The following RBBP9 variants were observed in gnomAD, a reference collection of about 807,000 sequenced individuals.
RBBP9 encodes serine hydrolase RBBP9.
In RBBP9, 20 loss-of-function variants were observed where a neutral mutation model predicts 24.2. The ratio of observed to expected loss-of-function variants is 0.83; its 90% CI spans 0.58 to 1.20. The LOEUF (loss-of-function observed/expected upper bound fraction) is 1.20, where lower values mean the gene tolerates loss of function less well. Among genes scored for constraint, RBBP9 ranks in the 50% most tolerant of loss-of-function variants. The pLI, the probability that RBBP9 is intolerant of heterozygous loss-of-function variation, is 0.00. For synonymous variants in RBBP9, 74 were observed against 84.6 expected, an observed-to-expected ratio of 0.87 and a Z score of 0.69; for missense variants, 234 against 233.6, an observed-to-expected ratio of 1.00 and a Z score of -0.01.
chr20:18,495,923 A>G, intron 1 of RBBP9, 43 bp from the exon 2 acceptor site: 1 of 1,401,376 alleles, frequency 7.1e-7, no homozygotes, highest in Non-Finnish European at 9.8e-7. Context: ...AAAGAGCTTA[A>G]TTACAACTAA....
intron 3 of RBBP9, among the ~76,000 whole-genome samples, chr20:18,493,611 T>C (rs1301183090): frequency 6.6e-6 from 1 of 152,106 alleles, no homozygotes; most frequent in African/African-American, 2.4e-5. Flanking sequence ...CAGGCTAAGA[T>C]GTGCATGTAC....
At position 18,492,096 on chromosome 20, in the gene RBBP9, CAAAAAA is replaced by C. The variant is rs71194242; in HGVS notation, c.249-1622_249-1617del. Among the ~76,000 whole-genome samples, 304 of 70,100 alleles carry C rather than the reference CAAAAAA, an allele frequency of 4.3e-3. 6 individuals carry two copies. The Admixed American group carries it at 0.044, about 10-fold the overall frequency. The allele number at this position is 70,100 out of a possible 152,430, so 46.0% of individuals were successfully genotyped here. The stretch of plus-strand genomic sequence containing the variant: ...CGGGCAACAGAGGGAGGCTCTGTCT[CAAAAAA>C]AAAAAAAAAAAAAAAAAGAACAAGC... On this transcript the variant is annotated intron_variant, in intron 3 of 4. Transcript: ENST00000337227.
chr20:18,490,381 A>G lies in RBBP9; in HGVS notation c.334+14T>C. 6.2e-7 allele frequency: 1 copy of G among 1,603,258 alleles called. No homozygotes were observed. Among genetic ancestry groups the G allele is most frequent in the East Asian group, 2.2e-5 (1 of 44,830 alleles). On this transcript the variant is annotated intron_variant, in intron 4 of 4. Transcript: ENST00000337227. The stretch of plus-strand genomic sequence containing the variant: ...AGAGAAGGGCTTTGCTCAGATTTCT[A>G]CCTTTGGACTTACCACTTGCACGCT...
Position 18,490,411 on chromosome 20 carries a change from T to A in RBBP9, c.318A>T (p.Glu106Asp), listed in dbSNP as rs1568586641. The A allele has an allele frequency of 1.2e-6, 2 of 1,613,562 alleles. No individual in the cohort carries two copies. Among genetic ancestry groups the A allele is most frequent in the East Asian group, 2.2e-5 (1 of 44,894 alleles). Residue 106 changes from glutamate (E) to aspartate (D), a missense_variant, in exon 4 of 5, where the codon GAA becomes GAT. Physicochemically the swap from Glu to Asp is conservative, Grantham distance 45. Transcript: ENST00000337227. ...TGGACTTACCACTTGCACGCTCATT[T>A]TCATCCCCCAAGTCTGATGTGTACG... ...VSAYTSDLGDENERASGYFTR... is the reference protein window; with the variant it reads ...VSAYTSDLGDDNERASGYFTR...
chr20:18,495,786 AAT>A, intron 2 of RBBP9, 50 bp downstream of exon 2: 1 of 1,499,370 alleles, frequency 6.7e-7, no homozygotes, highest in Non-Finnish European at 9.3e-7. Context: ...CAAAAATGGT[AAT>A]ATCAAAACCC....
intron 3 of RBBP9, among the ~76,000 whole-genome samples, chr20:18,492,002 CAGG>C (rs1194150282): frequency 1.4e-5 from 2 of 143,832 alleles, no homozygotes; most frequent in Non-Finnish European, 3.0e-5. Flanking sequence ...GAGGCTAAGA[CAGG>C]AGAATTGCTT....
intron 2 of RBBP9, among the ~76,000 whole-genome samples, chr20:18,495,605 AAATAAATAAAT>A: frequency 6.7e-6 from 1 of 149,376 alleles, no homozygotes; most frequent in Admixed American, 6.7e-5. Context: ...ATAAATAAAT[AAATAAATAAAT>A]AAATAAAAAT....
At chr20:18,495,533 C>T (rs940267774) in intron 2 of RBBP9, among the ~76,000 whole-genome samples, 6 of 149,512 alleles carry the variant, frequency 4.0e-5, no homozygotes, top group African/African-American at 1.5e-4. Context: ...CCACTATTGT[C>T]CTGTGACCCT....
chr20:18,494,787 G>C (rs1327172602), intron 2 of RBBP9, among the ~76,000 whole-genome samples: 1 of 152,142 alleles, frequency 6.6e-6, no homozygotes, highest in Admixed American at 6.5e-5. Context: ...CAGAACAAAA[G>C]TAGCAATATG....
chr20:18,495,971 G>C, intron 1 of RBBP9, 91 bp from the exon 2 acceptor site: 1 of 1,066,288 alleles, frequency 9.4e-7, no homozygotes, highest in South Asian at 1.6e-5. Flanking sequence ...TGATATGATC[G>C]TTACCAATTC....
At chr20:18,493,215 T>A (rs2059871979) in intron 3 of RBBP9, among the ~76,000 whole-genome samples, 1 of 152,172 alleles carries the variant, frequency 6.6e-6, no homozygotes, top group South Asian at 2.1e-4. Flanking sequence ...AGATGTAATA[T>A]TCTAATGAGA....
rs138500466 is a variant in RBBP9, at chr20:18,492,981, T to C, written c.248+977A>G. Among the ~76,000 whole-genome samples the C allele has an allele frequency of 1.4e-4, 22 of 152,320 alleles. No individual in the cohort carries two copies. In the East Asian group the frequency reaches 3.9e-3, roughly 27 times the overall value. The stretch of plus-strand genomic sequence containing the variant: ...ATTTTGTGGTTCCATCCTGAAATAC[T>C]CTTGTAACTTTAATCAGTGTGGCTG... On this transcript the variant is annotated intron_variant, in intron 3 of 4. Transcript: ENST00000337227.
At position 18,494,076 on chromosome 20, in the gene RBBP9, G is replaced by C. The variant is rs983654029; in HGVS notation, c.143-13C>G. 2 of 1,605,884 alleles carry C rather than the reference G, an allele frequency of 1.2e-6. No individual in the cohort carries two copies. Among genetic ancestry groups the C allele is most frequent in the African/African-American group, 1.3e-5 (1 of 74,572 alleles). ...TCTCGTGCTGTAACTTAAGGTTCAG[G>C]GTAAAGAAAAAGTCTGTCATTTGAT... On this transcript the variant is annotated splice_polypyrimidine_tract_variant and intron_variant, in intron 2 of 4. Transcript: ENST00000337227.
intron 3 of RBBP9, among the ~76,000 whole-genome samples, chr20:18,493,448 A>G (rs1376064081): frequency 6.6e-6 from 1 of 152,220 alleles, no homozygotes; most frequent in Non-Finnish European, 1.5e-5. Context: ...ATAAGATATA[A>G]AAGAGATAGG....
At position 18,488,588 on chromosome 20, in the gene RBBP9, T is replaced by C. The variant is rs1398617770; in HGVS notation, c.*1176A>G. ...GCCAAAAAAAGGTTTTCTGAGGAAG[T>C]ATGATCAGAAGAAAATGGAATGTGC... On this transcript the variant is annotated 3_prime_UTR_variant, in exon 5 of 5. Transcript: ENST00000337227. 1.3e-5 allele frequency: 2 copies of C among 152,080 alleles called. No individual in the cohort carries two copies. The highest frequency in any genetic ancestry group is 4.8e-5 in the African/African-American group (2 of 41,408). 9.4% of individuals were successfully genotyped at this position (152,080 alleles called of 1,614,324 possible). A position where few individuals can be genotyped will look rare whatever the true frequency, so the allele number is the denominator to read the frequency against.
At chr20:18,494,775 C>A (rs1370000182) in intron 2 of RBBP9, among the ~76,000 whole-genome samples, 1 of 152,092 alleles carries the variant, frequency 6.6e-6, no homozygotes, top group African/African-American at 2.4e-5. Flanking sequence ...CATAGGCATA[C>A]CCAGAACAAA....
In RBBP9 at chr20:18,489,614, A is replaced by T; in HGVS notation, c.*150T>A. ...AGAGTCTATGGAAAATGGAAGTGCT[A>T]TTTGTAACTTAGATTGAATGTTGAA... On this transcript the variant is annotated 3_prime_UTR_variant, in exon 5 of 5. Transcript: ENST00000337227. 1.7e-6 allele frequency: 1 copy of T among 591,610 alleles called. No individual in the cohort carries two copies. The highest frequency in any genetic ancestry group is 3.0e-6 in the Non-Finnish European group (1 of 333,900). 36.6% of individuals were successfully genotyped at this position (591,610 alleles called of 1,614,324 possible). A position where few individuals can be genotyped will look rare whatever the true frequency, so the allele number is the denominator to read the frequency against.
chr20:18,494,723 C>T (rs567558226), intron 2 of RBBP9, among the ~76,000 whole-genome samples: 1 of 152,136 alleles, frequency 6.6e-6, no homozygotes, highest in Non-Finnish European at 1.5e-5. Flanking sequence ...CTAAAATTCA[C>T]ATTTATTCAT....
At position 18,490,908 on chromosome 20, in the gene RBBP9, A is replaced by C. The variant is rs1204592690; in HGVS notation, c.249-428T>G. ...TGGCCAGGCTGGTCTTGAACTCCTG[A>C]CCTCAAATAATCCACTCACCCCGGC... On this transcript the variant is annotated intron_variant, in intron 3 of 4. Transcript: ENST00000337227. Among the ~76,000 whole-genome samples the C allele has an allele frequency of 2.0e-5, 3 of 151,992 alleles. No homozygotes were observed. In the East Asian group the frequency reaches 5.8e-4, roughly 29 times the overall value.
Sources: allele counts gnomAD v4.1 joint callset (sites outside exome capture counted in the v4.1 genomes callset), GRCh38; gene constraint gnomAD v4.1.1; transcripts MANE v1.5; gene names NCBI Gene and HGNC (gene_info 2026-07-23, HGNC 2026-07-21).